IL16: variants seen among roughly 807,000 people sequenced by gnomAD.
IL16 encodes pro-interleukin-16.
Under a neutral mutation model 110.1 loss-of-function variants are expected in IL16, and 67 were observed. The observed-to-expected ratio is 0.61, with a 90% CI of 0.50 to 0.75. The LOEUF is 0.75. IL16 is among the 30% of genes least tolerant of loss of function. The pLI, the probability that IL16 is intolerant of heterozygous loss-of-function variation, is 0.00. For synonymous variants in IL16, 689 were observed against 662.9 expected, an observed-to-expected ratio of 1.04 and a Z score of -0.61; for missense variants, 1,545 against 1,655.0, an observed-to-expected ratio of 0.93 and a Z score of 1.15.
At chr15:81,265,519 A>C (rs1898336220) in intron 3 of IL16, 140 bp from the exon 4 acceptor site, 1 of 872,648 alleles carries the variant, frequency 1.1e-6, no homozygotes. Flanking sequence ...ACCTCTCCCC[A>C]CCACGCACCT....
intron 2 of IL16, among the ~76,000 whole-genome samples, chr15:81,256,956 A>G (rs1354154158): frequency 1.3e-5 from 2 of 152,198 alleles, no homozygotes; most frequent in South Asian, 2.1e-4. Flanking sequence ...TACCTTCTCA[A>G]TCTACTGTAA....
At chr15:81,297,724 A>G (rs1351803461) in intron 13 of IL16, among the ~76,000 whole-genome samples, 1 of 152,188 alleles carries the variant, frequency 6.6e-6, no homozygotes, top group Non-Finnish European at 1.5e-5. Context: ...GACCCCAAGC[A>G]TATGATGCAT....
intron 2 of IL16, among the ~76,000 whole-genome samples, chr15:81,258,592 T>C (rs987889054): frequency 2.6e-5 from 4 of 152,084 alleles, no homozygotes; most frequent in Non-Finnish European, 5.9e-5. Flanking sequence ...TACCAGCTAC[T>C]CAGGAGGCTG....
Position 81,310,456 on chromosome 15 carries a change from T to C in IL16, c.*1658T>C, listed in dbSNP as rs1567051959. 1 of 152,206 alleles carries C rather than the reference T, an allele frequency of 6.6e-6. No homozygotes were observed. Among genetic ancestry groups the C allele is most frequent in the Non-Finnish European group, 1.5e-5 (1 of 68,042 alleles). The allele number at this position is 152,206 out of a possible 1,614,324, so 9.4% of individuals were successfully genotyped here. The stretch of plus-strand genomic sequence containing the variant: ...CCTGCTGGTTAACTTGTTTGGCCTA[T>C]TCCATTCTGGATTTTGTCAAGCAGT... On this transcript the variant is annotated 3_prime_UTR_variant, in exon 19 of 19. Transcript: ENST00000683961.
At chr15:81,257,885 C>G (rs1031311159) in intron 2 of IL16, among the ~76,000 whole-genome samples, 1 of 152,124 alleles carries the variant, frequency 6.6e-6, no homozygotes, top group Non-Finnish European at 1.5e-5. Flanking sequence ...GTTGAGTAAC[C>G]AATATCCAAA....
Position 81,290,089 on chromosome 15 carries a change from C to T in IL16, c.1333-364C>T, listed in dbSNP as rs569766420. The T allele has an allele frequency of 9.9e-5, 31 of 311,990 alleles. No homozygotes were observed. In the East Asian group the frequency reaches 1.7e-3, roughly 17 times the overall value. The allele number at this position is 311,990 out of a possible 1,614,324, so 19.3% of individuals were successfully genotyped here. On this transcript the variant is annotated intron_variant, in intron 10 of 18. Coordinates refer to ENST00000683961, the MANE Select transcript of IL16 (RefSeq NM_172217.5). ...AGTATAATAGTGATTGTGATTATTA[C>T]GATATTGTTGATAATGATGATGTCA...
In IL16 at chr15:81,259,806, G is replaced by A. The variant is rs1465847570; in HGVS notation, c.347G>A (p.Gly116Glu). 2 of 1,613,914 alleles carry A rather than the reference G, an allele frequency of 1.2e-6. No individual in the cohort carries two copies. The highest frequency in any genetic ancestry group is 2.2e-5 in the South Asian group (2 of 91,074). The change falls in exon 3 of 19, where the codon GGA (glycine) becomes GAA (glutamate). Residue 116 changes from glycine to glutamate, a missense_variant. This residue lies in a region of IL16 where 1,185 missense variants were observed against 1,238.8 expected (regional missense o/e 0.96). Transcript: ENST00000683961. The stretch of plus-strand genomic sequence containing the variant: ...ACAGCTTCCTCTCGAGAAAAGCCTG[G>A]AAAACTAGAAGCACAAAGTAGTAAC... ...SSTASSREKP[G>E]KLEAQSSNFL...
chr15:81,265,599 T>C (rs1467760980), intron 3 of IL16, 60 bp from the exon 4 acceptor site: 27 of 1,588,930 alleles, frequency 1.7e-5, no homozygotes, highest in East Asian at 2.2e-5. Flanking sequence ...TTGTTCTTAG[T>C]TGAACTTTGC....
At chr15:81,272,792 G>A (rs1370148308) in intron 5 of IL16, among the ~76,000 whole-genome samples, 2 of 152,236 alleles carry the variant, frequency 1.3e-5, no homozygotes, top group Non-Finnish European at 2.9e-5. Flanking sequence ...GAGGGACAGA[G>A]CCAGGGTGCT....
At position 81,293,156 on chromosome 15, in the gene IL16, A is replaced by T. The variant is rs537937517; in HGVS notation, c.1902+119A>T. 1.2e-3 allele frequency: 1,348 copies of T among 1,115,622 alleles called. 27 individuals are homozygous for T. In the South Asian group the frequency reaches 0.02, roughly 17 times the overall value. The allele number at this position is 1,115,622 out of a possible 1,614,324, so 69.1% of individuals were successfully genotyped here. On this transcript the variant is annotated intron_variant, in intron 12 of 18. Coordinates refer to ENST00000683961, the MANE Select transcript of IL16 (RefSeq NM_172217.5). ...ATGAAAGTTTCTCCTGCTCCACCAG[A>T]GAGAAACTGTTGCCTAGGACTCAGC...
Position 81,225,330 on chromosome 15 carries a change from A to C in IL16, c.-70A>C. On this transcript the variant is annotated 5_prime_UTR_variant, in exon 2 of 19. Transcript: ENST00000683961. ...ATGAAGTGGCAGCTAAGCCCTGTCC[A>C]GTGGCCACCCGTCAGCCAAGGGCCA... 1 of 1,570,584 alleles carries C rather than the reference A, an allele frequency of 6.4e-7. No homozygotes were observed.
chr15:81,202,451 T>G (rs1895853138), intron 1 of IL16, among the ~76,000 whole-genome samples: 1 of 152,044 alleles, frequency 6.6e-6, no homozygotes, highest in South Asian at 2.1e-4. Flanking sequence ...TTGGAAGGCA[T>G]ATCTCCTAAT....
chr15:81,211,130 G>A (rs938187030), intron 1 of IL16, among the ~76,000 whole-genome samples: 11 of 152,104 alleles, frequency 7.2e-5, no homozygotes, highest in African/African-American at 2.4e-4. Flanking sequence ...TGCAATCATC[G>A]CGCACTGCAG....
chr15:81,184,863 C>T (rs1169082419), intron 1 of IL16, among the ~76,000 whole-genome samples: 1 of 152,182 alleles, frequency 6.6e-6, no homozygotes, highest in African/African-American at 2.4e-5. Flanking sequence ...CCTCTAAAAA[C>T]ACTCCAGCTC....
chr15:81,250,712 A>T (rs1897738903), intron 2 of IL16, among the ~76,000 whole-genome samples: 1 of 152,178 alleles, frequency 6.6e-6, no homozygotes, highest in African/African-American at 2.4e-5. Context: ...ATATGTATTA[A>T]TTAGGGTTGC....
Position 81,313,196 on chromosome 15 carries a change from C to G in IL16, c.*4398C>G. The stretch of plus-strand genomic sequence containing the variant: ...GCGTGCTCCCAGGCTCCTTGGTGTC[C>G]CAACAGCTGGAGCTCCTCGATGAGT... On this transcript the variant is annotated 3_prime_UTR_variant, in exon 19 of 19. Transcript: ENST00000683961. 3 of 1,462,796 alleles carry G rather than the reference C, an allele frequency of 2.1e-6. No homozygotes were observed. The highest frequency in any genetic ancestry group is 2.7e-6 in the Non-Finnish European group (3 of 1,101,234). The allele number at this position is 1,462,796 out of a possible 1,614,324, so 90.6% of individuals were successfully genotyped here.
intron 4 of IL16, among the ~76,000 whole-genome samples, chr15:81,267,514 C>T (rs939905659): frequency 2.7e-5 from 3 of 110,250 alleles, no homozygotes; most frequent in Non-Finnish European, 5.3e-5. Flanking sequence ...ACAGAGAGAG[C>T]GAGAGACTGA....
chr15:81,295,633 G>A, intron 12 of IL16: 1 of 531,716 alleles, frequency 1.9e-6, no homozygotes, highest in Non-Finnish European at 3.1e-6. Context: ...TTTTTTTAAG[G>A]GCTAGTTCGA....
intron 2 of IL16, among the ~76,000 whole-genome samples, chr15:81,255,125 A>G (rs1897901073): frequency 6.6e-6 from 1 of 152,232 alleles, no homozygotes; most frequent in Non-Finnish European, 1.5e-5. Flanking sequence ...GTCCCAGAGT[A>G]TAGATGAGTA....
Sources: gnomAD v4.1 joint callset for allele counts (sites outside exome capture counted in the v4.1 genomes callset) on GRCh38, gnomAD v4.1.1 for gene constraint, gnomAD v4.1.1 regional missense constraint, MANE v1.5 for transcripts, NCBI Gene and HGNC (gene_info 2026-07-23, HGNC 2026-07-21) for gene names.